Variants in TRPM7 observed in about 807,000 individuals in gnomAD.
TRPM7 encodes the protein LTRPC ion channel family member 7.
Under a neutral mutation model 229.7 loss-of-function variants are expected in TRPM7, and 134 were observed. That is an observed-to-expected ratio of 0.58 (90% CI 0.51 to 0.67). The LOEUF is 0.67. Among genes scored for constraint, TRPM7 ranks in the 30% least tolerant of loss-of-function variants. TRPM7 has a pLI of 0.00. For missense variants in TRPM7, 1,901 were observed against 2,210.0 expected, an observed-to-expected ratio of 0.86 and a Z score of 2.80; for synonymous variants, 699 against 715.2, an observed-to-expected ratio of 0.98 and a Z score of 0.36.
chr15:50,637,395 C>T, intron 7 of TRPM7, 27 bp downstream of exon 7: 1 of 1,602,148 alleles, frequency 6.2e-7, no homozygotes, highest in Non-Finnish European at 8.5e-7. Context: ...ACAATTTCAA[C>T]AATAACAAAT....
At chr15:50,585,085 C>T (rs1208464541) in intron 28 of TRPM7, among the ~76,000 whole-genome samples, 6 of 135,648 alleles carry the variant, frequency 4.4e-5, no homozygotes, top group Non-Finnish European at 9.2e-5. Context: ...GACGGAGTCT[C>T]GCTCTGTCGC....
At chr15:50,654,841 A>AG (rs397961091) in intron 3 of TRPM7, among the ~76,000 whole-genome samples, 5 of 148,506 alleles carry the variant, frequency 3.4e-5, no homozygotes, top group Admixed American at 1.3e-4. Flanking sequence ...ACTAAAAAAA[A>AG]CCACAAAAAA....
intron 21 of TRPM7, among the ~76,000 whole-genome samples, chr15:50,600,775 T>C (rs759648598): frequency 8.5e-5 from 13 of 152,230 alleles, no homozygotes; most frequent in Non-Finnish European, 1.8e-4. Context: ...AAAAGTTGTA[T>C]AGATAGCTGC....
intron 11 of TRPM7, among the ~76,000 whole-genome samples, chr15:50,624,923 C>T (rs1195605550): frequency 6.6e-6 from 1 of 152,122 alleles, no homozygotes; most frequent in African/African-American, 2.4e-5. Context: ...GTCTTCAGAA[C>T]TTTAAAAGAA....
Position 50,648,737 on chromosome 15 carries a change from C to T in TRPM7, c.271G>A (p.Ala91Thr), listed in dbSNP as rs1415561237. The change falls in exon 4 of 39, where the codon GCT becomes ACT. Residue 91 changes from alanine to threonine, a missense_variant. By Grantham distance (58) the Ala-to-Thr change is moderately conservative. Around this residue, in one of 8 missense-constraint regions of TRPM7, gnomAD observed 794 missense variants for 881.9 expected, o/e 0.90. Transcript: ENST00000646667. ...EKHTEQSPTD[A>T]YGVINFQGGS... ...CCTTGAAAATTTATGACTCCATAAG[C>T]ATCCGTTGGGCTCTGTTCTGTATGC... 1 of 1,612,742 alleles carries T rather than the reference C, an allele frequency of 6.2e-7. No homozygotes were observed. Among genetic ancestry groups the T allele is most frequent in the Non-Finnish European group, 8.5e-7 (1 of 1,179,308 alleles).
At chr15:50,587,357 T>A (rs895830686) in intron 27 of TRPM7, among the ~76,000 whole-genome samples, 6 of 151,878 alleles carry the variant, frequency 4.0e-5, no homozygotes, top group African/African-American at 1.4e-4. Flanking sequence ...TTTCTATTAT[T>A]TATGTGTTTG....
At position 50,588,195 on chromosome 15, in the gene TRPM7, T is replaced by C. The variant is rs981763063; in HGVS notation, c.4389+1397A>G. 4 of 983,622 alleles carry C rather than the reference T, an allele frequency of 4.1e-6. No homozygotes were observed. In the African/African-American group the frequency reaches 5.2e-5, roughly 13 times the overall value. 60.9% of individuals were successfully genotyped at this position (983,622 alleles called of 1,614,324 possible). On this transcript the variant is annotated intron_variant, in intron 27 of 38. Coordinates refer to ENST00000646667, the MANE Select transcript of TRPM7 (RefSeq NM_017672.6). ...CATATACTAAAGAGACTTTACCTCA[T>C]ATTTAGGCATCTCTGTATACTCCAT...
chr15:50,574,678 G>A lies in TRPM7; in HGVS notation c.5061C>T (p.Ala1687=), dbSNP rs1260970587. The change falls in exon 35 of 39, where the codon GCC becomes GCT. Residue 1687 remains alanine, a synonymous_variant. Coordinates refer to ENST00000646667, the MANE Select transcript of TRPM7 (RefSeq NM_017672.6). ...TGGATTTGGGTTTCATTTGATTAAA[G>A]GCAAACGTAAGCTTTTGTGCTGCTC... ...QQRAAQKLTF[A]FNQMKPKSIP... 1 of 1,613,856 alleles carries A rather than the reference G, an allele frequency of 6.2e-7. No individual in the cohort carries two copies. The highest frequency in any genetic ancestry group is 1.7e-5 in the Admixed American group (1 of 59,998).
intron 1 of TRPM7, among the ~76,000 whole-genome samples, chr15:50,683,735 A>AAAC (rs577652781): frequency 2.6e-4 from 40 of 152,260 alleles, no homozygotes; most frequent in African/African-American, 8.9e-4. Flanking sequence ...AAACAAAATA[A>AAAC]AACAACAACA....
intron 3 of TRPM7, among the ~76,000 whole-genome samples, chr15:50,653,652 T>C (rs1457794974): frequency 6.6e-6 from 1 of 151,986 alleles, no homozygotes; most frequent in African/African-American, 2.4e-5. Flanking sequence ...CAGAAAACAG[T>C]AGACACTGGG....
In TRPM7 at chr15:50,592,619, G is replaced by C; in HGVS notation, c.3616C>G (p.Gln1206Glu). The C allele has an allele frequency of 6.3e-7, 1 of 1,577,508 alleles. No individual in the cohort carries two copies. The change falls in exon 26 of 39, where the codon CAG (glutamine) becomes GAG (glutamate). Residue 1206 changes from glutamine (Q) to glutamate (E), a missense_variant. Coordinates refer to ENST00000646667, the MANE Select transcript of TRPM7 (RefSeq NM_017672.6). ...RIRVTFERVE[Q>E]MCIQIKEVGD... ...ACTTCTTTAATCTGAATGCACATCT[G>C]TTCCACTCTGTAGGAGAGAAATAAG...
chr15:50,591,994 T>C lies in TRPM7; in HGVS notation c.4241A>G (p.His1414Arg). The C allele has an allele frequency of 6.2e-7, 1 of 1,611,804 alleles. No individual in the cohort carries two copies. Among genetic ancestry groups the C allele is most frequent in the Non-Finnish European group, 8.5e-7 (1 of 1,179,332 alleles). Reference protein sequence around the residue: ...STPSQPSCKSHLETGTKDQET... With the variant: ...STPSQPSCKSRLETGTKDQET... ...TTGATCTTTGGTTCCAGTTTCCAAG[T>C]GGCTTTTGCAACTTGGCTGAGATGG... The change falls in exon 26 of 39, where the codon CAC becomes CGC. Residue 1414 changes from histidine (H) to arginine (R), a missense_variant. This residue lies in a region of TRPM7 where 533 missense variants were observed against 497.1 expected (regional missense o/e 1.07). Transcript: ENST00000646667.
chr15:50,683,489 C>T (rs1293180405), intron 1 of TRPM7, among the ~76,000 whole-genome samples: 2 of 151,110 alleles, frequency 1.3e-5, no homozygotes, highest in African/African-American at 2.4e-5. Flanking sequence ...AATCCCAACA[C>T]TTTGGGAGGC....
intron 5 of TRPM7, among the ~76,000 whole-genome samples, chr15:50,641,010 G>C (rs756269280): frequency 6.6e-6 from 1 of 152,108 alleles, no homozygotes; most frequent in Non-Finnish European, 1.5e-5. Context: ...CAGCAGCCCC[G>C]GCAAACTAAT....
intron 1 of TRPM7, among the ~76,000 whole-genome samples, chr15:50,670,640 C>T (rs1032070861): frequency 1.3e-5 from 2 of 151,860 alleles, no homozygotes; most frequent in Admixed American, 6.6e-5. Context: ...CACCACTTTC[C>T]CAGAAAATTC....
At chr15:50,668,597 T>G (rs528495127) in intron 1 of TRPM7, among the ~76,000 whole-genome samples, 15 of 152,348 alleles carry the variant, frequency 9.8e-5, no homozygotes, top group African/African-American at 2.9e-4. Flanking sequence ...TAACTCTGCC[T>G]CCGGGGTCCA....
At chr15:50,654,782 G>A (rs1222168970) in intron 3 of TRPM7, among the ~76,000 whole-genome samples, 3 of 149,430 alleles carry the variant, frequency 2.0e-5, no homozygotes, top group Middle Eastern at 3.5e-3. Context: ...CAGATCACAA[G>A]GTCAGGAGAT....
At chr15:50,571,978 T>C (rs1471065213) in intron 36 of TRPM7, among the ~76,000 whole-genome samples, 2 of 152,174 alleles carry the variant, frequency 1.3e-5, no homozygotes, top group African/African-American at 4.8e-5. Context: ...AAGTCCTTCA[T>C]GAAAGGAAGA....
chr15:50,614,682 A>C (rs1177776870), intron 13 of TRPM7, among the ~76,000 whole-genome samples: 4 of 148,184 alleles, frequency 2.7e-5, no homozygotes, highest in African/African-American at 7.6e-5. Context: ...AAAAAAAAAA[A>C]AAAAAAAAGC....
Sources: gnomAD v4.1 joint callset for allele counts (sites outside exome capture counted in the v4.1 genomes callset) on GRCh38, gnomAD v4.1.1 for gene constraint, gnomAD v4.1.1 regional missense constraint, MANE v1.5 for transcripts, NCBI Gene and HGNC (gene_info 2026-07-23, HGNC 2026-07-21) for gene names.